The following RAB11FIP3 variants were observed in gnomAD, a reference collection of about 807,000 sequenced individuals.
RAB11FIP3 encodes the protein rab11 family-interacting protein 3.
RAB11FIP3 carries 17 observed loss-of-function variants against 77.8 expected under a neutral mutation model. The ratio of observed to expected loss-of-function variants is 0.22; its 90% confidence interval spans 0.15 to 0.33. The LOEUF (loss-of-function observed/expected upper bound fraction) is 0.33. RAB11FIP3 is among the 10% of genes least tolerant of loss of function. The probability of loss-of-function intolerance (pLI) is 1.00; values close to 1 mark genes in which losing one functional copy is unlikely to be tolerated. For synonymous variants in RAB11FIP3, 437 were observed against 448.2 expected (o/e 0.98, Z 0.31); for missense variants, 1,005 against 1,011.2 (o/e 0.99, Z 0.08).
chr16:462,803 AG>A (rs2055636141), intron 2 of RAB11FIP3, among the ~76,000 whole-genome samples: 1 of 128,242 alleles, frequency 7.8e-6, no homozygotes, highest in Non-Finnish European at 1.6e-5. Context: ...TCCCTTCCCC[AG>A]CACCGTCCCT....
chr16:486,857 C>T (rs1312399500), intron 4 of RAB11FIP3, among the ~76,000 whole-genome samples: 1 of 152,212 alleles, frequency 6.6e-6, no homozygotes, highest in Non-Finnish European at 1.5e-5. Context: ...GGCCGATGGA[C>T]CAGTGTGTGT....
intron 13 of RAB11FIP3, 23 bp downstream of exon 13, chr16:520,622 G>A (rs373214334): frequency 3.5e-5 from 57 of 1,611,756 alleles, no homozygotes; most frequent in Admixed American, 5.0e-5. Context: ...GTGTCTGCAC[G>A]GTGTGGCCTG....
chr16:512,133 G>A (rs965600304), intron 9 of RAB11FIP3, among the ~76,000 whole-genome samples: 1 of 152,238 alleles, frequency 6.6e-6, no homozygotes, highest in Middle Eastern at 3.2e-3. Flanking sequence ...AAGACCACAA[G>A]GGATCGGTTC....
chr16:492,148 G>A (rs8054892), intron 5 of RAB11FIP3, among the ~76,000 whole-genome samples: 38,734 of 152,138 alleles, frequency 0.25, 5,286 homozygotes, highest in Middle Eastern at 0.32. Flanking sequence ...CACTGCCCAC[G>A]GCCTTATTGA....
At chr16:520,318 A>G in intron 12 of RAB11FIP3, 41 bp downstream of exon 12, 1 of 1,551,492 alleles carries the variant, frequency 6.4e-7, no homozygotes, top group Non-Finnish European at 8.7e-7. Flanking sequence ...CTCCTGCAGA[A>G]GCTTCCACAA....
rs2054951381 is a variant in RAB11FIP3 at position 426,681 on chromosome 16, G to C, written c.675G>C (p.Glu225Asp). ...ATGGGGACGGTTTCGTCCGCATCGA[G>C]GACTTCATCCAGTTTGCTACGGTCT... is the stretch of plus-strand genomic sequence containing the variant. ...DGDGDGFVRIEDFIQFATVYG... is the reference protein window; with the variant it reads ...DGDGDGFVRIDDFIQFATVYG... Residue 225 changes from glutamate (E) to aspartate (D), a missense_variant, in exon 1 of 14, where the codon GAG becomes GAC. Coordinates refer to ENST00000262305, the MANE Select transcript of RAB11FIP3 (RefSeq NM_014700.4). The surrounding 1 kb of genome is among the most constrained non-coding windows in gnomAD (Gnocchi z 5.0). 1 of 1,540,106 alleles carries C rather than the reference G, an allele frequency of 6.5e-7. No homozygotes were observed. The highest frequency in any genetic ancestry group is 8.7e-7 in the Non-Finnish European group (1 of 1,144,012).
In RAB11FIP3 at chr16:519,855, G is replaced by A. The variant is rs1179247592; in HGVS notation, c.1824G>A (p.Arg608=). The A allele has an allele frequency of 1.9e-6, 3 of 1,599,120 alleles. No individual in the cohort carries two copies. Among genetic ancestry groups the A allele is most frequent in the Non-Finnish European group, 2.6e-6 (3 of 1,173,054 alleles). ...TGGGGGACAGGCTGAGTCACGAGAG[G>A]CACCAGTTCCAGAGGGACAAGGAGG... ...RRMGDRLSHE[R]HQFQRDKEAT... is the part of the protein sequence containing the mutation. Residue 608 remains arginine, a synonymous_variant, in exon 11 of 14, where the codon AGG becomes AGA. Coordinates refer to ENST00000262305, the MANE Select transcript of RAB11FIP3 (RefSeq NM_014700.4).
chr16:446,191 CCATGAT>C (rs1181775122), intron 1 of RAB11FIP3, among the ~76,000 whole-genome samples: 2 of 152,008 alleles, frequency 1.3e-5, no homozygotes, highest in African/African-American at 4.8e-5. Flanking sequence ...CTGCAGTGAG[CCATGAT>C]CACTCCTGTG....
chr16:500,348 G>A (rs1431452667), intron 6 of RAB11FIP3, among the ~76,000 whole-genome samples: 5 of 152,172 alleles, frequency 3.3e-5, no homozygotes, highest in Non-Finnish European at 7.4e-5. Context: ...CCAAGTGAGG[G>A]TGTGGTGTAG....
intron 9 of RAB11FIP3, among the ~76,000 whole-genome samples, chr16:516,449 G>A (rs973688081): frequency 1.3e-5 from 2 of 152,224 alleles, no homozygotes; most frequent in African/African-American, 2.4e-5. Flanking sequence ...ATCTCAGAGG[G>A]ACATGGGCCA....
rs546728193 is a variant in RAB11FIP3 at position 476,460 on chromosome 16, T to TAGG, written c.903+5073_903+5075dup. Among the ~76,000 whole-genome samples the TAGG allele has an allele frequency of 6.1e-3, 928 of 152,246 alleles. 10 individuals carry two copies. Among genetic ancestry groups the TAGG allele is most frequent in the African/African-American group, 0.021 (883 of 41,536 alleles). ...CACTGCCCGGACCTCCCTCCCTTCG[T>TAGG]AGGACAGATGCTCTGCTCAGGGCTC... On this transcript the variant is annotated intron_variant, in intron 3 of 13. Coordinates refer to ENST00000262305, the MANE Select transcript of RAB11FIP3 (RefSeq NM_014700.4).
chr16:478,114 T>G (rs140188725), intron 3 of RAB11FIP3, among the ~76,000 whole-genome samples: 1 of 152,124 alleles, frequency 6.6e-6, no homozygotes, highest in African/African-American at 2.4e-5. Context: ...CCTTCACGTC[T>G]CTTCCAGTGA....
At chr16:466,198 G>A (rs2055699681) in intron 2 of RAB11FIP3, among the ~76,000 whole-genome samples, 1 of 152,176 alleles carries the variant, frequency 6.6e-6, no homozygotes, top group Non-Finnish European at 1.5e-5. Context: ...GATTTGGGCT[G>A]GAGATGTGTT....
In RAB11FIP3 at chr16:506,503, T is replaced by C. The variant is rs1368807490; in HGVS notation, c.1499+876T>C. Among the ~76,000 whole-genome samples the C allele has an allele frequency of 1.3e-5, 2 of 152,198 alleles. No homozygotes were observed. ...ATATTCTCAGCTCGGCCAAGGGCCC[T>C]GTCCCTTGAAGCTTCAGTGTCTTCA... is the stretch of plus-strand genomic sequence containing the variant. On this transcript the variant is annotated intron_variant, in intron 8 of 13. Coordinates refer to ENST00000262305, the MANE Select transcript of RAB11FIP3 (RefSeq NM_014700.4). This position sits in a 1 kb window ranked among gnomAD's most constrained non-coding sequence, Gnocchi z 4.5.
At chr16:434,830 G>A (rs1279803884) in intron 1 of RAB11FIP3, among the ~76,000 whole-genome samples, 2 of 151,850 alleles carry the variant, frequency 1.3e-5, no homozygotes, top group African/African-American at 2.4e-5. Flanking sequence ...TTGGGAAGCC[G>A]AGGTGGGCAG....
intron 1 of RAB11FIP3, among the ~76,000 whole-genome samples, chr16:448,650 G>T (rs2055356544): frequency 6.7e-6 from 1 of 149,976 alleles, no homozygotes; most frequent in African/African-American, 2.5e-5. Context: ...GCAGGAGAAT[G>T]GCGTGAACCC....
At chr16:466,973 C>T (rs1202115554) in intron 2 of RAB11FIP3, among the ~76,000 whole-genome samples, 2 of 152,170 alleles carry the variant, frequency 1.3e-5, no homozygotes, top group Non-Finnish European at 2.9e-5. Context: ...GAGAGCACGG[C>T]TGGCACCTGT....
intron 1 of RAB11FIP3, among the ~76,000 whole-genome samples, chr16:447,630 C>T (rs2055338811): frequency 6.6e-6 from 1 of 152,018 alleles, no homozygotes; most frequent in African/African-American, 2.4e-5. Context: ...CCCAGCTACT[C>T]AGTGGGCTAA....
rs766271961 is a variant in RAB11FIP3, at chr16:520,485, C to T, written c.2043C>T (p.Asn681=). The T allele has an allele frequency of 3.5e-5, 56 of 1,613,502 alleles. No individual in the cohort carries two copies. The highest frequency in any genetic ancestry group is 4.3e-5 in the Non-Finnish European group (51 of 1,180,016). Residue 681 remains asparagine, a synonymous_variant, in exon 13 of 14, where the codon AAC becomes AAT. Transcript: ENST00000262305. ...KQDNRNLKEQ[N]EELNGQIITL... ...ACAACCGCAACCTGAAGGAGCAGAA[C>T]GAGGAGCTGAACGGGCAGATCATTA...
Sources: gnomAD v4.1 joint callset for allele counts (sites outside exome capture counted in the v4.1 genomes callset) on GRCh38, gnomAD v4.1.1 for gene constraint, Gnocchi (gnomAD v3.1) non-coding constraint, MANE v1.5 for transcripts, NCBI Gene and HGNC (gene_info 2026-07-23, HGNC 2026-07-21) for gene names.